FAT2: variants seen among roughly 807,000 people sequenced by gnomAD.
FAT2 encodes protocadherin Fat 2.
A neutral mutation model predicts 295.3 loss-of-function variants in FAT2; 150 were observed. The observed-to-expected ratio is 0.51, with a 90% CI of 0.44 to 0.58. FAT2 has a LOEUF of 0.58. Ranked by LOEUF, FAT2 falls within the 20% of genes least tolerant of loss-of-function variation. The pLI, the probability that FAT2 is intolerant of heterozygous loss-of-function variation, is 0.00. For synonymous variants in FAT2, 2,026 were observed against 2,150.3 expected (o/e 0.94, Z 1.60); for missense variants, 4,868 against 5,442.7 (o/e 0.89, Z 3.32).
chr5:151,543,296 C>T lies in FAT2; in HGVS notation c.7831G>A (p.Asp2611Asn). The T allele has an allele frequency of 6.2e-7, 1 of 1,614,200 alleles. No homozygotes were observed. Among genetic ancestry groups the T allele is most frequent in the Non-Finnish European group, 8.5e-7 (1 of 1,180,040 alleles). Residue 2611 changes from aspartate (D) to asparagine (N), a missense_variant, in exon 10 of 24, where the codon GAT (aspartate) becomes AAT (asparagine). Physicochemically the swap from Asp to Asn is conservative, Grantham distance 23. Coordinates refer to ENST00000261800, the MANE Select transcript of FAT2 (RefSeq NM_001447.3). ...TCTGCGTTCTGACCTTCATCTGCATCATAGGCCAACACCTGGATAACCGGA... is the reference window on the plus strand; with the variant it reads ...TCTGCGTTCTGACCTTCATCTGCATTATAGGCCAACACCTGGATAACCGGA... ...DSPVIQVLAY[D>N]ADEGQNADVT...
Position 151,521,613 on chromosome 5 carries a change from G to A in FAT2, c.10980C>T (p.Asp3660=), listed in dbSNP as rs1753464390. The stretch of plus-strand genomic sequence containing the variant: ...CCAAGTGAATGTTAGCCCGTTTGAT[G>A]TCCAGCTTATGGCTGAGGAACCTCT... ...NLQRFLSHKL[D]IKRANIHLAS... Residue 3660 remains aspartate (D), a synonymous_variant, in exon 19 of 24, where the codon GAC becomes GAT. Transcript: ENST00000261800. The A allele has an allele frequency of 1.2e-6, 2 of 1,614,178 alleles. No individual in the cohort carries two copies. The highest frequency in any genetic ancestry group is 1.7e-6 in the Non-Finnish European group (2 of 1,180,024).
In FAT2 at chr5:151,553,161, C is replaced by G. The variant is rs1421111359; in HGVS notation, c.4156+16G>C. On this transcript the variant is annotated intron_variant, in intron 6 of 23. Coordinates refer to ENST00000261800, the MANE Select transcript of FAT2 (RefSeq NM_001447.3). Reference sequence around the variant, plus strand: ...GGGAGGGGTTGGCCCTTGTTGGGCCCTAGGCCTTGCCTCACCTGAGATGTT... The same window carrying G: ...GGGAGGGGTTGGCCCTTGTTGGGCCGTAGGCCTTGCCTCACCTGAGATGTT... The G allele has an allele frequency of 8.1e-6, 13 of 1,613,850 alleles. No homozygotes were observed. The highest frequency in any genetic ancestry group is 1.0e-5 in the Non-Finnish European group (12 of 1,179,716).
intron 1 of FAT2, among the ~76,000 whole-genome samples, chr5:151,580,979 T>C (rs1758930966): frequency 6.6e-6 from 1 of 151,986 alleles, no homozygotes; most frequent in African/African-American, 2.4e-5. Flanking sequence ...AACAGAAGCT[T>C]CTCCTTGTTC....
Position 151,510,135 on chromosome 5 carries a change from T to C in FAT2, c.11945A>G (p.His3982Arg). The C allele has an allele frequency of 6.2e-7, 1 of 1,614,114 alleles. No homozygotes were observed. The change falls in exon 22 of 24, where the codon CAC becomes CGC. Residue 3982 changes from histidine to arginine, a missense_variant. Physicochemically the swap from His to Arg is conservative, Grantham distance 29 (BLOSUM62 0). Transcript: ENST00000261800. ...CKCPPQFSGK[H>R]CEQGRENCTF... ...ACAGTTCTCCCTTCCTTGTTCACAG[T>C]GCTTCCCAGAGAACTGTGGGGGACA...
chr5:151,566,987 C>G lies in FAT2; in HGVS notation c.1945G>C (p.Ala649Pro). 1.2e-6 allele frequency: 2 copies of G among 1,614,094 alleles called. No homozygotes were observed. Among genetic ancestry groups the G allele is most frequent in the Non-Finnish European group, 1.7e-6 (2 of 1,180,014 alleles). Residue 649 changes from alanine (A) to proline (P), a missense_variant, in exon 2 of 24, where the codon GCC becomes CCC. This residue lies in a region of FAT2 where 3,297 missense variants were observed against 3,669.4 expected (regional missense o/e 0.90). Coordinates refer to ENST00000261800, the MANE Select transcript of FAT2 (RefSeq NM_001447.3). ...KITASDGKNY[A>P]SPTTLNITVV... ...GTAATATTCAAAGTTGTGGGTGAGG[C>G]ATAGTTTTTGCCATCTGAGGCTGTA...
At chr5:151,587,045 G>A (rs984023000) in intron 1 of FAT2, among the ~76,000 whole-genome samples, 1 of 152,040 alleles carries the variant, frequency 6.6e-6, no homozygotes, top group African/African-American at 2.4e-5. Flanking sequence ...AGGAGGCTGA[G>A]GCATGAGAAT....
At chr5:151,514,281 CT>C (rs1313063156) in intron 20 of FAT2, among the ~76,000 whole-genome samples, 1 of 152,148 alleles carries the variant, frequency 6.6e-6, no homozygotes, top group Non-Finnish European at 1.5e-5. Flanking sequence ...GAAATCATTT[CT>C]TTTTATCTGT....
At chr5:151,515,091 T>C (rs1415494723) in intron 20 of FAT2, among the ~76,000 whole-genome samples, 2 of 152,108 alleles carry the variant, frequency 1.3e-5, no homozygotes, top group East Asian at 3.8e-4. Flanking sequence ...CGGAAACCAT[T>C]GGTGTCAGGG....
chr5:151,550,093 T>C (rs1027540191), intron 8 of FAT2, among the ~76,000 whole-genome samples: 4 of 152,146 alleles, frequency 2.6e-5, no homozygotes, highest in African/African-American at 9.7e-5. Flanking sequence ...GGGTCAGGGA[T>C]AGAACTAGGG....
In FAT2 at chr5:151,525,960, G is replaced by A. The variant is rs781581992; in HGVS notation, c.10314C>T (p.Asn3438=). The A allele has an allele frequency of 2.5e-6, 4 of 1,614,038 alleles. No individual in the cohort carries two copies. The South Asian group carries it at 4.4e-5, about 18-fold the overall frequency. ...QLNYSTTVQE[N]SPIGSKVLQL... ...GCAGGACTTTGCTGCCAATGGGGGA[G>A]TTCTCCTGAGACCGAGAGTGACAAA... The change falls in exon 18 of 24, where the codon AAC becomes AAT. Residue 3438 remains asparagine (N), a synonymous_variant. Transcript: ENST00000261800.
intron 1 of FAT2, among the ~76,000 whole-genome samples, chr5:151,576,774 G>A (rs1758762847): frequency 1.3e-5 from 2 of 152,132 alleles, no homozygotes; most frequent in South Asian, 2.1e-4. Flanking sequence ...CTCCTTAGTA[G>A]TAGGGAGTCA....
chr5:151,573,326 C>G (rs10064935), intron 1 of FAT2, among the ~76,000 whole-genome samples: 2,980 of 152,312 alleles, frequency 0.02, 54 homozygotes, highest in East Asian at 0.051. Context: ...TGTTTAGTAC[C>G]TGGCTTATAC....
At chr5:151,560,015 A>G (rs932209019) in intron 3 of FAT2, among the ~76,000 whole-genome samples, 7 of 152,082 alleles carry the variant, frequency 4.6e-5, no homozygotes, top group Non-Finnish European at 1.0e-4. Context: ...CCAACACCCT[A>G]TCTCAGACCC....
In FAT2 at chr5:151,567,782, C is replaced by G. The variant is rs140775774; in HGVS notation, c.1150G>C (p.Val384Leu). The G allele has an allele frequency of 6.2e-7, 1 of 1,614,016 alleles. No individual in the cohort carries two copies. The highest frequency in any genetic ancestry group is 8.5e-7 in the Non-Finnish European group (1 of 1,180,044). Residue 384 changes from valine (V) to leucine (L), a missense_variant, in exon 2 of 24, where the codon GTG (valine) becomes CTG (leucine). Around this residue, in one of 5 missense-constraint regions of FAT2, gnomAD observed 3,297 missense variants for 3,669.4 expected, o/e 0.90. Transcript: ENST00000261800. ...TTGGGGAAGGCTGGGGTGACTCTCACCATCACCACGCGGCTGCCAGGAGGG... is the reference window on the plus strand; with the variant it reads ...TTGGGGAAGGCTGGGGTGACTCTCAGCATCACCACGCGGCTGCCAGGAGGG... The part of the protein sequence containing the change: ...FSPPGSRVVM[V>L]RVTPAFPNLQ...
In FAT2 at chr5:151,538,037, CAGAA is replaced by C; in HGVS notation, c.9040-95_9040-92del. 3.4e-6 allele frequency: 4 copies of C among 1,161,120 alleles called. No homozygotes were observed. In the East Asian group the frequency reaches 9.6e-5, roughly 28 times the overall value. The allele number at this position is 1,161,120 out of a possible 1,614,324, so 71.9% of individuals were successfully genotyped here. ...AGTGACTGACTGAGGGAGGCAGAAG[CAGAA>C]AGAGAGACACTAAGAGGGCAGAGAC... On this transcript the variant is annotated intron_variant, in intron 11 of 23. Transcript: ENST00000261800.
chr5:151,543,227 T>C lies in FAT2; in HGVS notation c.7900A>G (p.Ile2634Val), dbSNP rs376462824. The C allele has an allele frequency of 8.6e-5, 138 of 1,614,036 alleles. No individual in the cohort carries two copies. Among genetic ancestry groups the C allele is most frequent in the Non-Finnish European group, 1.1e-4 (131 of 1,180,000 alleles). Residue 2634 changes from isoleucine (I) to valine (V), a missense_variant, in exon 10 of 24, where the codon ATT becomes GTT. This residue lies in a region of FAT2 where 3,297 missense variants were observed against 3,669.4 expected (regional missense o/e 0.90). Coordinates refer to ENST00000261800, the MANE Select transcript of FAT2 (RefSeq NM_001447.3). ...ACACCAGTGACTGGGTTAATTTCAA[T>C]GACATCTTTAACTAGGTCCTCTGGG... ...VNPEDLVKDV[I>V]EINPVTGVVK...
At chr5:151,561,380 G>A (rs1003926343) in intron 3 of FAT2, among the ~76,000 whole-genome samples, 6 of 151,978 alleles carry the variant, frequency 3.9e-5, no homozygotes, top group African/African-American at 1.2e-4. Context: ...AGCAGAATCT[G>A]ACTTTCTCTC....
intron 1 of FAT2, among the ~76,000 whole-genome samples, chr5:151,580,154 G>A (rs1013350717): frequency 6.6e-6 from 1 of 152,216 alleles, no homozygotes; most frequent in African/African-American, 2.4e-5. Context: ...CTGGCATTTT[G>A]GCACTGGCCA....
At chr5:151,562,310 G>A (rs1356168816) in intron 3 of FAT2, among the ~76,000 whole-genome samples, 2 of 152,140 alleles carry the variant, frequency 1.3e-5, no homozygotes, top group African/African-American at 4.8e-5. Context: ...GTAAATTGTT[G>A]GAGACGGAAA....
Sources: allele counts gnomAD v4.1 joint callset (sites outside exome capture counted in the v4.1 genomes callset), GRCh38; gene constraint gnomAD v4.1.1; regional missense constraint gnomAD v4.1.1; transcripts MANE v1.5; gene names NCBI Gene and HGNC (gene_info 2026-07-23, HGNC 2026-07-21).